ANO8: variants seen among roughly 807,000 people sequenced by gnomAD.
The protein encoded by ANO8 is anoctamin-8.
Under a neutral mutation model 120.4 loss-of-function variants are expected in ANO8, and 67 were observed. The ratio of observed to expected loss-of-function variants is 0.56; its 90% CI spans 0.46 to 0.68. The LOEUF is 0.68. Ranked by LOEUF, ANO8 falls within the 30% of genes least tolerant of loss-of-function variation. The probability of loss-of-function intolerance (pLI) is 0.00; values close to 1 mark genes in which losing one functional copy is unlikely to be tolerated. For synonymous variants in ANO8, 727 were observed against 759.2 expected (o/e 0.96, Z 0.70); for missense variants, 1,526 against 1,737.6 (o/e 0.88, Z 2.16).
intron 17 of ANO8, among the ~76,000 whole-genome samples, chr19:17,324,358 G>A (rs1201531746): frequency 6.6e-6 from 1 of 152,062 alleles, no homozygotes; most frequent in Non-Finnish European, 1.5e-5. Context: ...GGCCTGGGGG[G>A]TCAAGTCCCC....
Position 17,327,837 on chromosome 19 carries a change from T to A in ANO8, c.2270A>T (p.Tyr757Phe). The change falls in exon 14 of 18, where the codon TAC becomes TTC. Residue 757 changes from tyrosine to phenylalanine, a missense_variant. Coordinates refer to ENST00000159087, the MANE Select transcript of ANO8 (RefSeq NM_020959.3). ...DYQEMFVQFG[Y>F]VVLFSSAFPL... ...GAAGGCGGACGAGAAGAGCACAACG[T>A]AGCCGAACTGCACGAACATCTCCTG... The A allele has an allele frequency of 6.2e-7, 1 of 1,614,164 alleles. No homozygotes were observed. The highest frequency in any genetic ancestry group is 8.5e-7 in the Non-Finnish European group (1 of 1,179,992).
Position 17,333,878 on chromosome 19 carries a change from C to T in ANO8, c.107-78G>A. ...GCCTCCAGTCTTGGCTCCTCCTGCC[C>T]CCGCCAGGGCTCCTCACCACTCCAC... On this transcript the variant is annotated intron_variant, in intron 1 of 17. Coordinates refer to ENST00000159087, the MANE Select transcript of ANO8 (RefSeq NM_020959.3). This position sits in a 1 kb window ranked among gnomAD's most constrained non-coding sequence, Gnocchi z 7.2. 2 of 1,234,322 alleles carry T rather than the reference C, an allele frequency of 1.6e-6. No homozygotes were observed. The highest frequency in any genetic ancestry group is 2.3e-6 in the Non-Finnish European group (2 of 863,942). 76.5% of individuals were successfully genotyped at this position (1,234,322 alleles called of 1,614,324 possible).
At chr19:17,330,599 A>C (rs2145689354) in intron 8 of ANO8, 95 bp from the exon 9 acceptor site, 2 of 1,429,670 alleles carry the variant, frequency 1.4e-6, no homozygotes, top group Non-Finnish European at 1.8e-6. Flanking sequence ...ATTTCCCTCC[A>C]TCATGCGGAG....
chr19:17,327,741 G>A lies in ANO8; in HGVS notation c.2366C>T (p.Thr789Ile). Reference sequence around the variant, plus strand: ...CTGGCCGAAGGGCCGCTGCAGCCCGGTGCACAGCTTGAAGGCGTCGCTGCG... The same window carrying A: ...CTGGCCGAAGGGCCGCTGCAGCCCGATGCACAGCTTGAAGGCGTCGCTGCG... ...EIRSDAFKLC[T>I]GLQRPFGQRV... Residue 789 changes from threonine to isoleucine, a missense_variant, in exon 14 of 18, where the codon ACC becomes ATC. Thr to Ile is a moderately conservative substitution (Grantham distance 89, BLOSUM62 -1). Transcript: ENST00000159087. 1 of 1,614,068 alleles carries A rather than the reference G, an allele frequency of 6.2e-7. No individual in the cohort carries two copies.
chr19:17,327,124 G>T, intron 16 of ANO8, 111 bp downstream of exon 16: 2 of 941,790 alleles, frequency 2.1e-6, no homozygotes, highest in Non-Finnish European at 3.1e-6. Flanking sequence ...ATTATACCCA[G>T]CTCTGTGCAG....
intron 12 of ANO8, 33 bp from the exon 13 acceptor site, chr19:17,329,016 TG>T: frequency 2.1e-6 from 3 of 1,405,764 alleles, no homozygotes; most frequent in Non-Finnish European, 2.8e-6. Flanking sequence ...GAGAGGCGCG[TG>T]GGGGGCAAGC....
chr19:17,328,712 G>A lies in ANO8; in HGVS notation c.1676C>T (p.Ala559Val), dbSNP rs1305996736. The A allele has an allele frequency of 4.8e-6, 6 of 1,245,764 alleles. No individual in the cohort carries two copies. Among genetic ancestry groups the A allele is most frequent in the Admixed American group, 6.3e-5 (2 of 31,806 alleles). 77.2% of individuals were successfully genotyped at this position (1,245,764 alleles called of 1,614,324 possible). The stretch of plus-strand genomic sequence containing the variant: ...CGCCCGCCGCCGCTCCACCAGCGCC[G>A]CCTCCTCCTCCTCCTCCGGCGCCCC... ...GCGAPEEEEE[A>V]ALVERRRAGE... Residue 559 changes from alanine (A) to valine (V), a missense_variant, in exon 13 of 18, where the codon GCG (alanine) becomes GTG (valine). Around this residue, in one of 8 missense-constraint regions of ANO8, gnomAD observed 467 missense variants for 425.8 expected, o/e 1.10. Transcript: ENST00000159087.
At chr19:17,331,926 C>T (rs1436716611) in intron 5 of ANO8, among the ~76,000 whole-genome samples, 1 of 133,258 alleles carries the variant, frequency 7.5e-6, no homozygotes, top group African/African-American at 2.8e-5. Context: ...AGCCACCGCG[C>T]CCGGCTTTTT....
Position 17,329,844 on chromosome 19 carries a change from G to T in ANO8, c.1330-13C>A, listed in dbSNP as rs73511899. On this transcript the variant is annotated splice_polypyrimidine_tract_variant and intron_variant, in intron 11 of 17. Transcript: ENST00000159087. ...TGACAAACTGGAACTGCAGGAAGGA[G>T]GCAGGCGGTGGTCATCCTGCACCCC... The T allele has an allele frequency of 3.7e-6, 6 of 1,613,708 alleles. No homozygotes were observed. The African/African-American group carries it at 8.0e-5, about 22-fold the overall frequency.
At position 17,328,591 on chromosome 19, in the gene ANO8, C is replaced by G. The variant is rs113297737; in HGVS notation, c.1797G>C (p.Glu599Asp). 3,805 of 1,545,690 alleles carry G rather than the reference C, an allele frequency of 2.5e-3. 6 individuals carry two copies. The highest frequency in any genetic ancestry group is 3.1e-3 in the Non-Finnish European group (3,547 of 1,145,528). Residue 599 changes from glutamate to aspartate, a missense_variant, in exon 13 of 18, where the codon GAG becomes GAC. By Grantham distance (45) the Glu-to-Asp change is conservative. Around this residue, in one of 8 missense-constraint regions of ANO8, gnomAD observed 467 missense variants for 425.8 expected, o/e 1.10. Transcript: ENST00000159087. ...EEEDEEEEED[E>D]EEGEEGGLLD... ...GGAGGCCCCCTTCCTCGCCCTCCTCCTCGTCCTCCTCTTCCTCCTCGTCCT... is the reference window on the plus strand; with the variant it reads ...GGAGGCCCCCTTCCTCGCCCTCCTCGTCGTCCTCCTCTTCCTCCTCGTCCT...
chr19:17,331,925 G>A (rs191018572), intron 5 of ANO8, among the ~76,000 whole-genome samples: 3,342 of 132,150 alleles, frequency 0.025, 136 homozygotes, highest in African/African-American at 0.091. Flanking sequence ...GAGCCACCGC[G>A]CCCGGCTTTT....
At chr19:17,334,399 C>T (rs117176661) in intron 1 of ANO8, among the ~76,000 whole-genome samples, 166 bp downstream of exon 1, 4,462 of 152,270 alleles carry the variant, frequency 0.029, 89 homozygotes, top group South Asian at 0.052. Context: ...CCCGAAGCAC[C>T]GTCCCAGCCC....
intron 12 of ANO8, chr19:17,329,196 C>T: frequency 2.1e-6 from 1 of 486,954 alleles, no homozygotes; most frequent in Non-Finnish European, 3.6e-6. Context: ...GCTCCTCGCC[C>T]ACCTCACGGG....
At chr19:17,329,012 C>A (rs1368780077) in intron 12 of ANO8, 29 bp from the exon 13 acceptor site, 1 of 1,424,424 alleles carries the variant, frequency 7.0e-7, no homozygotes, top group Non-Finnish European at 9.2e-7. Flanking sequence ...AGGAGAGAGG[C>A]GCGTGGGGGG....
At chr19:17,324,572 C>T in intron 17 of ANO8, 145 bp downstream of exon 17, 17 of 1,360,026 alleles carry the variant, frequency 1.2e-5, no homozygotes, top group South Asian at 1.6e-5. Context: ...AACTGAGAGG[C>T]TCCACGTACC....
Position 17,330,121 on chromosome 19 carries a change from G to T in ANO8, c.1273+4C>A. The T allele has an allele frequency of 5.6e-6, 9 of 1,614,002 alleles. No homozygotes were observed. Among genetic ancestry groups the T allele is most frequent in the Non-Finnish European group, 7.6e-6 (9 of 1,179,998 alleles). ...CCTCCCAGAGACCCCCTGGCAGGTC[G>T]TACCCATGTCATTGAGCCAGATGGC... On this transcript the variant is annotated splice_donor_region_variant and intron_variant, in intron 10 of 17. Transcript: ENST00000159087.
Position 17,330,478 on chromosome 19 carries a change from C to T in ANO8, c.1020G>A (p.Thr340=), listed in dbSNP as rs1412392485. Residue 340 remains threonine (T), a synonymous_variant, in exon 9 of 18, where the codon ACG becomes ACA. Transcript: ENST00000159087. ...GCGGGTAGTAGAACTCCTCGGCCCGCGTGATGGGGCTGATACGTCGCACGC... is the reference window on the plus strand; with the variant it reads ...GCGGGTAGTAGAACTCCTCGGCCCGTGTGATGGGGCTGATACGTCGCACGC... ...FRGVRRISPI[T]RAEEFYYPPW... is the part of the protein sequence containing the mutation. 1.3e-6 allele frequency: 2 copies of T among 1,546,466 alleles called. No individual in the cohort carries two copies. Among genetic ancestry groups the T allele is most frequent in the Admixed American group, 2.0e-5 (1 of 51,058 alleles).
rs201978702 is a variant in ANO8, at chr19:17,333,591, G to C, written c.218-37C>G. 1.3e-5 allele frequency: 21 copies of C among 1,611,414 alleles called. No homozygotes were observed. In the South Asian group the frequency reaches 2.0e-4, roughly 15 times the overall value. ...CACAGGGACCGATGGCTCCTGCCACGAGGGGGCCCAAGGCCTCCTACGTAT... is the reference window on the plus strand; with the variant it reads ...CACAGGGACCGATGGCTCCTGCCACCAGGGGGCCCAAGGCCTCCTACGTAT... On this transcript the variant is annotated intron_variant, in intron 2 of 17. Transcript: ENST00000159087. The surrounding 1 kb of genome is among the most constrained non-coding windows in gnomAD (Gnocchi z 7.2).
Position 17,334,599 on chromosome 19 carries a change from C to A in ANO8, c.72G>T (p.Glu24Asp). Residue 24 changes from glutamate to aspartate, a missense_variant, in exon 1 of 18, where the codon GAG becomes GAT. Glu to Asp is a conservative substitution (Grantham distance 45, BLOSUM62 2). Transcript: ENST00000159087. ...EGERGKRPPP[E>D]GEPAAPASGV... ...CGGACGCCGGGGCTGCAGGCTCGCC[C>A]TCCGGCGGGGGCCTCTTGCCACGCT... 1.9e-6 allele frequency: 3 copies of A among 1,547,508 alleles called. No homozygotes were observed. In the South Asian group the frequency reaches 3.5e-5, roughly 18 times the overall value.
Sources: allele counts gnomAD v4.1 joint callset (sites outside exome capture counted in the v4.1 genomes callset), GRCh38; gene constraint gnomAD v4.1.1; regional missense constraint gnomAD v4.1.1; non-coding constraint Gnocchi (gnomAD v3.1); transcripts MANE v1.5; gene names NCBI Gene and HGNC (gene_info 2026-07-23, HGNC 2026-07-21).